RSPH14: variants seen among roughly 807,000 people sequenced by gnomAD.
RSPH14 encodes the protein radial spoke head 14 homolog.
RSPH14 carries 20 observed loss-of-function variants against 26.7 expected under a neutral mutation model. The ratio of observed to expected loss-of-function variants is 0.75; its 90% CI spans 0.53 to 1.09. The LOEUF (loss-of-function observed/expected upper bound fraction) is 1.09. Among genes scored for constraint, RSPH14 ranks in the 50% least tolerant of loss-of-function variants. The pLI is 0.00. For synonymous variants in RSPH14, 177 were observed against 189.3 expected (o/e 0.93, Z 0.53); for missense variants, 449 against 457.2 (o/e 0.98, Z 0.16).
chr22:23,161,018 G>T, the RSPH14 span: 21 of 1,583,710 alleles, frequency 1.3e-5, no homozygotes, highest in African/African-American at 8.1e-5. Context: ...GGTGTGACTG[G>T]GTTGGGCTGG....
rs202230346 is a variant in RSPH14 at position 23,135,996 on chromosome 22, A to AT, written c.303-1853dup. On this transcript the variant is annotated intron_variant, in intron 3 of 6. Coordinates refer to ENST00000216036, the MANE Select transcript of RSPH14 (RefSeq NM_014433.3). ...TTATAAATAAAAATAAATTTTATTT[A>AT]TTTTATTTATTTATTTATTTTCACT... 766 of 176,222 alleles carry AT rather than the reference A, an allele frequency of 4.3e-3. 6 individuals are homozygous for AT. Among genetic ancestry groups the AT allele is most frequent in the African/African-American group, 0.017 (709 of 42,244 alleles). 10.9% of individuals were successfully genotyped at this position (176,222 alleles called of 1,614,324 possible).
intron 4 of RSPH14, among the ~76,000 whole-genome samples, chr22:23,090,627 T>C (rs1601781275): frequency 6.6e-6 from 1 of 152,176 alleles, no homozygotes; most frequent in African/African-American, 2.4e-5. Flanking sequence ...TCAGGGCCTT[T>C]GTGCCGGTGG....
chr22:23,083,238 G>A (rs1354852058), intron 4 of RSPH14, among the ~76,000 whole-genome samples: 1 of 152,106 alleles, frequency 6.6e-6, no homozygotes, highest in African/African-American at 2.4e-5. Flanking sequence ...GGAGGCCTGG[G>A]GTATTGGGGG....
chr22:23,129,225 G>A (rs889871145), intron 4 of RSPH14, among the ~76,000 whole-genome samples: 2 of 152,178 alleles, frequency 1.3e-5, no homozygotes, highest in Non-Finnish European at 2.9e-5. Context: ...CTGGGCGTCT[G>A]CCACATTGCC....
intron 4 of RSPH14, among the ~76,000 whole-genome samples, chr22:23,128,864 G>T (rs780291408): frequency 6.6e-5 from 10 of 152,174 alleles, no homozygotes; most frequent in Non-Finnish European, 2.9e-5. Context: ...TTTGTTGAGC[G>T]CTAGCCACAT....
At chr22:23,178,198 C>T in the RSPH14 span, among the ~76,000 whole-genome samples, 7 of 152,154 alleles carry the variant, frequency 4.6e-5, no homozygotes, top group South Asian at 4.1e-4. Context: ...GGGCAGATCA[C>T]GAGGTCAGGA....
intron 4 of RSPH14, among the ~76,000 whole-genome samples, chr22:23,101,600 C>A (rs2069304583): frequency 6.6e-6 from 1 of 152,230 alleles, no homozygotes; most frequent in Non-Finnish European, 1.5e-5. Flanking sequence ...TAGCTCCAAG[C>A]CAGAAGGCCT....
At chr22:23,110,702 A>C (rs1002705781) in intron 4 of RSPH14, among the ~76,000 whole-genome samples, 7 of 152,232 alleles carry the variant, frequency 4.6e-5, no homozygotes, top group African/African-American at 1.2e-4. Context: ...TCTGAGGGTG[A>C]GGGTGTCCAC....
At chr22:23,131,627 C>T (rs1481202965) in intron 4 of RSPH14, 1 of 1,304,008 alleles carries the variant, frequency 7.7e-7, no homozygotes, top group Non-Finnish European at 1.0e-6. Flanking sequence ...AGTCCCCTGT[C>T]TCCACACTCC....
intron 6 of RSPH14, among the ~76,000 whole-genome samples, chr22:23,060,468 TC>T (rs1001872977): frequency 6.9e-6 from 1 of 144,974 alleles, no homozygotes; most frequent in African/African-American, 2.6e-5. Context: ...AGACTCCATC[TC>T]AAAAAAAAAA....
intron 4 of RSPH14, among the ~76,000 whole-genome samples, chr22:23,087,377 T>C (rs6003500): frequency 0.016 from 2,359 of 152,042 alleles, 61 homozygotes; most frequent in African/African-American, 0.054. Context: ...GGTGGGAGGA[T>C]CGCTTGAGCC....
chr22:23,076,634 G>A (rs1300704372), intron 4 of RSPH14, among the ~76,000 whole-genome samples: 1 of 152,228 alleles, frequency 6.6e-6, no homozygotes, highest in African/African-American at 2.4e-5. Flanking sequence ...GGCTGACGCC[G>A]GGCCACTCAG....
At chr22:23,147,340 C>CT (rs917877071), upstream of RSPH14, among the ~76,000 whole-genome samples, 716 of 145,792 alleles carry the variant, frequency 4.9e-3, 2 homozygotes, top group South Asian at 8.0e-3. Context: ...TTTCTTTTTT[C>CT]TTTTTTTTTT....
Position 23,097,852 on chromosome 22 carries a change from G to A in RSPH14, c.422-33719C>T, listed in dbSNP as rs373702937. ...GCCATGGTGGGTCTGCCAGTCACAC[G>A]GGCTTGCGCCACTGGCCTCACCCAT... On this transcript the variant is annotated intron_variant, in intron 4 of 6. Transcript: ENST00000216036. Among the ~76,000 whole-genome samples the A allele has an allele frequency of 1.8e-4, 27 of 152,352 alleles. 2 individuals are homozygous for A. Among genetic ancestry groups the A allele is most frequent in the East Asian group, 7.7e-4 (4 of 5,172 alleles).
At chr22:23,099,274 C>T (rs1601799473) in intron 4 of RSPH14, among the ~76,000 whole-genome samples, 1 of 152,366 alleles carries the variant, frequency 6.6e-6, no homozygotes, top group African/African-American at 2.4e-5. Flanking sequence ...GGCAGATTTC[C>T]GGGTGTCTGT....
chr22:23,087,955 A>G (rs1259285136), intron 4 of RSPH14, among the ~76,000 whole-genome samples: 4 of 152,224 alleles, frequency 2.6e-5, no homozygotes, highest in African/African-American at 4.8e-5. Flanking sequence ...TGAGTCCTAC[A>G]AAGGCAGTCT....
At chr22:23,117,560 C>A (rs764753607) in intron 4 of RSPH14, among the ~76,000 whole-genome samples, 2 of 152,228 alleles carry the variant, frequency 1.3e-5, no homozygotes, top group Non-Finnish European at 2.9e-5. Flanking sequence ...TGAGACCTCG[C>A]AGGTGAGAGG....
Position 23,138,327 on chromosome 22 carries a change from C to G in RSPH14, c.302+513G>C, listed in dbSNP as rs149604723. 1.2e-4 allele frequency among the ~76,000 whole-genome samples: 19 copies of G among 152,216 alleles called. 1 individual carries two copies. Among genetic ancestry groups the G allele is most frequent in the Admixed American group, 1.2e-3 (19 of 15,304 alleles). ...CTGTAATCCCAGCATTTTAGGAGGC[C>G]GAGGCAGGCAGATCACTTGAGGCCA... On this transcript the variant is annotated intron_variant, in intron 3 of 6. Transcript: ENST00000216036.
At chr22:23,135,999 T>G (rs2070473827) in intron 3 of RSPH14, 2 of 177,912 alleles carry the variant, frequency 1.1e-5, no homozygotes, top group Admixed American at 6.2e-5. Context: ...TTTATTTATT[T>G]TATTTATTTA....
Sources: gnomAD v4.1 joint callset for allele counts (sites outside exome capture counted in the v4.1 genomes callset) on GRCh38, gnomAD v4.1.1 for gene constraint, MANE v1.5 for transcripts, NCBI Gene and HGNC (gene_info 2026-07-23, HGNC 2026-07-21) for gene names.